MACF1: variants seen among roughly 807,000 people sequenced by gnomAD.
The protein encoded by MACF1 is microtubule actin crosslinking factor 1, also known as microtubule-actin cross-linking factor 1.
A neutral mutation model predicts 854.8 loss-of-function variants in MACF1; 193 were observed. That is an observed-to-expected ratio of 0.23 (90% CI 0.20 to 0.25). The LOEUF (loss-of-function observed/expected upper bound fraction) is 0.25. Ranked by LOEUF, MACF1 falls within the 10% of genes least tolerant of loss-of-function variation. The pLI, the probability that MACF1 is intolerant of heterozygous loss-of-function variation, is 1.00. For missense variants in MACF1, 7,722 were observed against 8,929.1 expected, an observed-to-expected ratio of 0.86 and a Z score of 5.45; for synonymous variants, 3,185 against 3,226.7, an observed-to-expected ratio of 0.99 and a Z score of 0.44.
At chr1:39,456,823 G>A (rs1350199538) in intron 89 of MACF1, 1 of 152,148 alleles carries the variant, frequency 6.6e-6, no homozygotes, top group Non-Finnish European at 1.5e-5. Context: ...GGCTGACACT[G>A]TTCTGGTCAC....
chr1:39,450,365 C>A (rs895426557), intron 84 of MACF1, among the ~76,000 whole-genome samples: 1 of 151,694 alleles, frequency 6.6e-6, no homozygotes, highest in South Asian at 2.1e-4. Flanking sequence ...TAGGGTCACA[C>A]AACTGATACA....
chr1:39,292,311 A>G (rs1171146865), intron 16 of MACF1, among the ~76,000 whole-genome samples: 3 of 152,258 alleles, frequency 2.0e-5, no homozygotes, highest in Non-Finnish European at 2.9e-5. Context: ...TAGTGGATGC[A>G]GCATCCAAAC....
intron 72 of MACF1, 129 bp downstream of exon 72, chr1:39,439,629 G>T: frequency 2.8e-6 from 2 of 713,810 alleles, no homozygotes; most frequent in Non-Finnish European, 4.6e-6. Flanking sequence ...TTTTGTTTTT[G>T]TTTTTTGCTC....
intron 2 of MACF1, among the ~76,000 whole-genome samples, chr1:39,232,758 T>TTG (rs1644796589): frequency 7.0e-6 from 1 of 142,894 alleles, no homozygotes; most frequent in Non-Finnish European, 1.6e-5. Context: ...TTTTTTTTTT[T>TTG]TTTTTTTTTT....
At chr1:39,235,294 A>G (rs1338906516) in intron 2 of MACF1, among the ~76,000 whole-genome samples, 8 of 152,232 alleles carry the variant, frequency 5.3e-5, no homozygotes, top group Non-Finnish European at 1.0e-4. Flanking sequence ...ACTTGCGGTT[A>G]GGGGCTGGAG....
At chr1:39,110,016 A>T (rs1333482505) in intron 2 of MACF1, among the ~76,000 whole-genome samples, 1 of 152,036 alleles carries the variant, frequency 6.6e-6, no homozygotes, top group Non-Finnish European at 1.5e-5. Context: ...AAATTTTCAT[A>T]CAAAAATAAT....
chr1:39,205,058 C>T lies in MACF1; in HGVS notation c.36C>T (p.Thr12=), dbSNP rs867024818. The T allele has an allele frequency of 5.7e-6, 4 of 702,992 alleles. No homozygotes were observed. The Middle Eastern group carries it at 9.2e-4, about 161-fold the overall frequency. The allele number at this position is 702,992 out of a possible 1,614,324, so 43.5% of individuals were successfully genotyped here. ...TAGATTCATCTTATTTACCACCAAC[C>T]ATCTTTATTTTGACTCACGTTCTTG... is the stretch of plus-strand genomic sequence containing the variant. ...PLLDSSYLPP[T]IFILTHVLGV... is the part of the protein sequence containing the mutation. The change falls in exon 1 of 101, where the codon ACC becomes ACT. Residue 12 remains threonine (T), a synonymous_variant. Coordinates refer to ENST00000564288, the MANE Select transcript of MACF1 (RefSeq NM_001394062.1).
intron 2 of MACF1, among the ~76,000 whole-genome samples, chr1:39,158,260 A>G (rs80185420): frequency 1.2e-3 from 178 of 152,202 alleles, no homozygotes; most frequent in African/African-American, 4.1e-3. Context: ...CTCTCTAGGT[A>G]TCCATGGAGA....
At chr1:39,364,375 T>TC (rs1163792501) in intron 49 of MACF1, among the ~76,000 whole-genome samples, 2 of 150,838 alleles carry the variant, frequency 1.3e-5, no homozygotes, top group South Asian at 2.1e-4. Flanking sequence ...TTTTTAAAGT[T>TC]TTTTTTTTTT....
chr1:39,279,570 T>C (rs537639454), intron 6 of MACF1, among the ~76,000 whole-genome samples: 22 of 152,286 alleles, frequency 1.4e-4, no homozygotes, highest in African/African-American at 5.3e-4. Context: ...AGAGACAGGA[T>C]GTTCTATTGA....
chr1:39,284,601 G>A (rs889977494), intron 11 of MACF1, among the ~76,000 whole-genome samples, 173 bp downstream of exon 11: 1 of 152,144 alleles, frequency 6.6e-6, no homozygotes, highest in Non-Finnish European at 1.5e-5. Flanking sequence ...TGGTAAAGGG[G>A]CAATGTCAGC....
At chr1:39,200,267 A>G (rs1391126363), upstream of MACF1, among the ~76,000 whole-genome samples, 1 of 152,156 alleles carries the variant, frequency 6.6e-6, no homozygotes. Context: ...AATCCACTGA[A>G]TCCTCTTTTT....
chr1:39,102,977 C>G, intron 2 of MACF1: 1 of 700,988 alleles, frequency 1.4e-6, no homozygotes, highest in Non-Finnish European at 2.6e-6. Flanking sequence ...GGAACATCAG[C>G]CAAACATGTG....
chr1:39,429,329 A>ACTTTGAAAAGTGTG lies in MACF1; in HGVS notation c.16888+4_16888+17dup. Reference sequence around the variant, plus strand: ...GGCTCTTCTAAAACAAACCACAGGTACTTTGAAAAGTGTGTCTCTTAGCAC... The same window carrying ACTTTGAAAAGTGTG: ...GGCTCTTCTAAAACAAACCACAGGTACTTTGAAAAGTGTGCTTTGAAAAGTGTGTCTCTTAGCAC... On this transcript the variant is annotated splice_donor_region_variant and intron_variant, in intron 64 of 100. Coordinates refer to ENST00000564288, the MANE Select transcript of MACF1 (RefSeq NM_001394062.1). 6.5e-7 allele frequency: 1 copy of ACTTTGAAAAGTGTG among 1,547,438 alleles called. No individual in the cohort carries two copies. The highest frequency in any genetic ancestry group is 8.9e-7 in the Non-Finnish European group (1 of 1,120,538).
At chr1:39,379,126 A>C in intron 53 of MACF1, 77 bp from the exon 54 acceptor site, 1 of 1,411,096 alleles carries the variant, frequency 7.1e-7, no homozygotes, top group Non-Finnish European at 9.6e-7. Flanking sequence ...GAGAGATGCA[A>C]GTAATTTAGG....
intron 1 of MACF1, chr1:39,206,495 T>C (rs1156784636): frequency 2.0e-5 from 3 of 152,226 alleles, no homozygotes; most frequent in Non-Finnish European, 4.4e-5. Flanking sequence ...TTAAAGTTTA[T>C]CTTCAGTATA....
chr1:39,096,374 G>A (rs768351714), intron 2 of MACF1, among the ~76,000 whole-genome samples: 1 of 151,720 alleles, frequency 6.6e-6, no homozygotes, highest in Non-Finnish European at 1.5e-5. Flanking sequence ...GCCAGGAACT[G>A]TGAACGAAAA....
In MACF1 at chr1:39,295,057, G is replaced by A. The variant is rs916227039; in HGVS notation, c.2166G>A (p.Met722Ile). The A allele has an allele frequency of 1.9e-5, 30 of 1,613,630 alleles. No individual in the cohort carries two copies. Among genetic ancestry groups the A allele is most frequent in the Non-Finnish European group, 2.5e-5 (30 of 1,179,592 alleles). Reference protein sequence around the residue: ...AKRNYFSELTMELEEKQDVFR... With the variant: ...AKRNYFSELTIELEEKQDVFR... ...AATTCCATTTTCAGGAGTTGACAAT[G>A]GAACTGGAGGAGAAACAGGATGTGT... The change falls in exon 19 of 101, where the codon ATG (methionine) becomes ATA (isoleucine). Residue 722 changes from methionine to isoleucine, a missense_variant. Met to Ile is a conservative substitution (Grantham distance 10, BLOSUM62 1). Around this residue, in one of 15 missense-constraint regions of MACF1, gnomAD observed 1,137 missense variants for 1,263.0 expected, o/e 0.90. Coordinates refer to ENST00000564288, the MANE Select transcript of MACF1 (RefSeq NM_001394062.1).
At chr1:39,431,603 A>G (rs1038456863) in intron 66 of MACF1, among the ~76,000 whole-genome samples, 2 of 152,146 alleles carry the variant, frequency 1.3e-5, no homozygotes, top group African/African-American at 4.8e-5. Flanking sequence ...TCAATATGAA[A>G]TGTATTGTGC....
Sources: allele counts gnomAD v4.1 joint callset (sites outside exome capture counted in the v4.1 genomes callset), GRCh38; gene constraint gnomAD v4.1.1; regional missense constraint gnomAD v4.1.1; transcripts MANE v1.5; gene names NCBI Gene and HGNC (gene_info 2026-07-23, HGNC 2026-07-21).